The following MXI1 variants were observed in gnomAD, a reference collection of about 807,000 sequenced individuals.
The protein encoded by MXI1 is MAX interactor 1, dimerization protein.
A neutral mutation model predicts 36.9 loss-of-function variants in MXI1; 18 were observed. The observed-to-expected ratio is 0.49, with a 90% CI of 0.34 to 0.72. The LOEUF (loss-of-function observed/expected upper bound fraction) is 0.72, where lower values mean the gene tolerates loss of function less well. Ranked by LOEUF, MXI1 falls within the 30% of genes least tolerant of loss-of-function variation. MXI1 has a pLI of 0.01. For synonymous variants in MXI1, 160 were observed against 146.7 expected (o/e 1.09, Z -0.65); for missense variants, 304 against 379.1 (o/e 0.80, Z 1.64).
chr10:110,270,307 G>A (rs1374694290), intron 3 of MXI1, among the ~76,000 whole-genome samples: 2 of 152,202 alleles, frequency 1.3e-5, no homozygotes, highest in East Asian at 3.8e-4. Flanking sequence ...TAAGAGAGGG[G>A]AAGTATGCAT....
intron 3 of MXI1, among the ~76,000 whole-genome samples, chr10:110,246,750 AG>A (rs1299733578): frequency 1.3e-5 from 2 of 152,194 alleles, no homozygotes; most frequent in African/African-American, 4.8e-5. Context: ...TGAGTGGTCT[AG>A]TCAAAGACAT....
intron 2 of MXI1, among the ~76,000 whole-genome samples, chr10:110,244,226 C>T (rs1855776616): frequency 6.6e-6 from 1 of 152,032 alleles, no homozygotes; most frequent in African/African-American, 2.4e-5. Context: ...TCGAGTTATC[C>T]AGTCTTGTAA....
intron 5 of MXI1, among the ~76,000 whole-genome samples, chr10:110,280,783 A>G (rs1049941834): frequency 2.0e-5 from 3 of 152,094 alleles, no homozygotes; most frequent in African/African-American, 7.2e-5. Context: ...GTGAATTTTT[A>G]TATGTAGATT....
At chr10:110,246,252 G>A (rs916754199) in intron 3 of MXI1, among the ~76,000 whole-genome samples, 5 of 152,026 alleles carry the variant, frequency 3.3e-5, no homozygotes, top group Non-Finnish European at 1.5e-5. Flanking sequence ...GAGCCCAGGA[G>A]TTGAAGGTTG....
chr10:110,208,178 C>CT, intron 1 of MXI1, 96 bp downstream of exon 1: 1 of 1,297,750 alleles, frequency 7.7e-7, no homozygotes, highest in African/African-American at 1.6e-5. Flanking sequence ...GTCCCCCCCC[C>CT]GCCCAACATA....
intron 5 of MXI1, among the ~76,000 whole-genome samples, chr10:110,284,134 G>GT (rs964853179): frequency 3.3e-3 from 468 of 142,460 alleles, no homozygotes; most frequent in African/African-American, 7.0e-3. Context: ...TATTTGTGGT[G>GT]TTTTTTTTTT....
At chr10:110,258,336 AG>A (rs1275564626) in intron 3 of MXI1, among the ~76,000 whole-genome samples, 41 of 152,306 alleles carry the variant, frequency 2.7e-4, no homozygotes, top group Non-Finnish European at 2.9e-5. Flanking sequence ...GTAGGAGTCC[AG>A]TTGCAGGGCT....
intron 3 of MXI1, among the ~76,000 whole-genome samples, chr10:110,259,247 C>T (rs1856422372): frequency 6.6e-6 from 1 of 151,852 alleles, no homozygotes; most frequent in African/African-American, 2.4e-5. Context: ...TTTAAAAAAA[C>T]AACAGGAAGA....
At chr10:110,260,752 CACACACTCATATGGATAGATA>C (rs1250534060) in intron 3 of MXI1, among the ~76,000 whole-genome samples, 1 of 151,966 alleles carries the variant, frequency 6.6e-6, no homozygotes, top group East Asian at 1.9e-4. Flanking sequence ...TGTACACATA[CACACACTCATATGGATAGATA>C]TAGATACAAA....
intron 1 of MXI1, among the ~76,000 whole-genome samples, chr10:110,220,237 G>A (rs943851137): frequency 6.6e-6 from 1 of 152,176 alleles, no homozygotes; most frequent in African/African-American, 2.4e-5. Flanking sequence ...TCAGAGGTGT[G>A]CTGAGGATTA....
At chr10:110,224,020 A>G (rs184422360) in intron 1 of MXI1, among the ~76,000 whole-genome samples, 96 of 152,290 alleles carry the variant, frequency 6.3e-4, no homozygotes, top group African/African-American at 2.3e-3. Context: ...AAAGAAAACA[A>G]AAGGTATGAG....
chr10:110,208,147 C>T lies in MXI1; in HGVS notation c.274+65C>T, dbSNP rs1375922818. 2.6e-6 allele frequency: 4 copies of T among 1,512,978 alleles called. No homozygotes were observed. The African/African-American group carries it at 4.3e-5, about 16-fold the overall frequency. 93.7% of individuals were successfully genotyped at this position (1,512,978 alleles called of 1,614,324 possible). On this transcript the variant is annotated intron_variant, in intron 1 of 5. Coordinates refer to ENST00000332674, the MANE Select transcript of MXI1 (RefSeq NM_130439.3). Reference sequence around the variant, plus strand: ...CTTTCTTTCTCGCCCACTTGGGCGACCCCTGTTGCGAGCTCGGCCCGTCCC... The same window carrying T: ...CTTTCTTTCTCGCCCACTTGGGCGATCCCTGTTGCGAGCTCGGCCCGTCCC...
chr10:110,240,156 A>G (rs762560388), intron 2 of MXI1, among the ~76,000 whole-genome samples: 13 of 152,070 alleles, frequency 8.5e-5, no homozygotes, highest in East Asian at 1.9e-4. Context: ...ATATTTCACA[A>G]TTTATCCATT....
Position 110,236,871 on chromosome 10 carries a change from A to T in MXI1, c.408-7957A>T, listed in dbSNP as rs1288669561. 2.0e-5 allele frequency among the ~76,000 whole-genome samples: 3 copies of T among 152,348 alleles called. No individual in the cohort carries two copies. In the East Asian group the frequency reaches 5.8e-4, roughly 29 times the overall value. On this transcript the variant is annotated intron_variant, in intron 2 of 5. Coordinates refer to ENST00000332674, the MANE Select transcript of MXI1 (RefSeq NM_130439.3). ...ATAAATTAATTTGGGGAAACCCAACATGTATTAACTATTGAATCTTCTAAT... is the reference window on the plus strand; with the variant it reads ...ATAAATTAATTTGGGGAAACCCAACTTGTATTAACTATTGAATCTTCTAAT...
At chr10:110,242,355 AGCC>A (rs1344930154) in intron 2 of MXI1, among the ~76,000 whole-genome samples, 49 of 152,148 alleles carry the variant, frequency 3.2e-4, no homozygotes, top group Non-Finnish European at 6.6e-4. Flanking sequence ...AGTGTAAGAC[AGCC>A]TTGAACACTG....
chr10:110,261,786 A>G (rs994586782), intron 3 of MXI1, among the ~76,000 whole-genome samples: 3 of 152,168 alleles, frequency 2.0e-5, no homozygotes, highest in Admixed American at 1.3e-4. Context: ...CTACCTTTAT[A>G]ACTTCAGCTC....
chr10:110,237,263 A>G (rs1370289287), intron 2 of MXI1, among the ~76,000 whole-genome samples: 6 of 152,214 alleles, frequency 3.9e-5, no homozygotes, highest in Admixed American at 3.9e-4. Flanking sequence ...GAGAGTGGAC[A>G]TTCTTGCCCT....
At chr10:110,256,579 G>T (rs1396887712) in intron 3 of MXI1, among the ~76,000 whole-genome samples, 2 of 122,848 alleles carry the variant, frequency 1.6e-5, no homozygotes, top group Non-Finnish European at 3.2e-5. Flanking sequence ...CTCCAACCTA[G>T]GCAATAGAGT....
intron 5 of MXI1, among the ~76,000 whole-genome samples, chr10:110,284,578 A>G (rs1181134348): frequency 1.3e-5 from 2 of 152,226 alleles, no homozygotes; most frequent in Non-Finnish European, 2.9e-5. Context: ...AGGGAGGTCC[A>G]GACGGACTGG....
Sources: allele counts gnomAD v4.1 joint callset (sites outside exome capture counted in the v4.1 genomes callset), GRCh38; gene constraint gnomAD v4.1.1; transcripts MANE v1.5; gene names NCBI Gene and HGNC (gene_info 2026-07-23, HGNC 2026-07-21).